NFX1: variants seen among roughly 807,000 people sequenced by gnomAD.
The protein encoded by NFX1 is transcriptional repressor NF-X1.
In NFX1, 69 loss-of-function variants were observed where a neutral mutation model predicts 137.2. The observed-to-expected ratio is 0.50, with a 90% confidence interval of 0.41 to 0.61. NFX1 has a LOEUF of 0.61. Among genes scored for constraint, NFX1 ranks in the 20% least tolerant of loss-of-function variants. NFX1 has a pLI of 0.00. For synonymous variants in NFX1, 495 were observed against 474.1 expected (o/e 1.04, Z -0.57); for missense variants, 1,167 against 1,391.0 (o/e 0.84, Z 2.56).
At position 33,311,436 on chromosome 9, in the gene NFX1, T is replaced by C. The variant is rs560756424; in HGVS notation, c.1448+259T>C. Among the ~76,000 whole-genome samples the C allele has an allele frequency of 6.6e-5, 10 of 152,330 alleles. No homozygotes were observed. The South Asian group carries it at 1.7e-3, about 25-fold the overall frequency. On this transcript the variant is annotated intron_variant, in intron 6 of 23. Transcript: ENST00000379540. The stretch of plus-strand genomic sequence containing the variant: ...GCCATGGATAGTACTTTTCTGTAAC[T>C]AGTAGTTCCCTGTGCTGCCCATGAC...
At position 33,308,343 on chromosome 9, in the gene NFX1, G is replaced by C. The variant is rs940919512; in HGVS notation, c.1376+1044G>C. Among the ~76,000 whole-genome samples the C allele has an allele frequency of 2.6e-5, 4 of 152,274 alleles. No individual in the cohort carries two copies. The East Asian group carries it at 7.7e-4, about 29-fold the overall frequency. On this transcript the variant is annotated intron_variant, in intron 5 of 23. Coordinates refer to ENST00000379540, the MANE Select transcript of NFX1 (RefSeq NM_002504.6). The stretch of plus-strand genomic sequence containing the variant: ...TGTAGTCCCAGCTACTTGGGAGGCT[G>C]AGCAAGGAGGATCATTTGAGTCCAG...
chr9:33,345,476 C>CA (rs1010467494), intron 14 of NFX1, among the ~76,000 whole-genome samples: 77 of 142,948 alleles, frequency 5.4e-4, no homozygotes, highest in Non-Finnish European at 9.8e-4. Context: ...GACTCTGTCT[C>CA]AAAAAAAAAA....
intron 5 of NFX1, among the ~76,000 whole-genome samples, chr9:33,307,755 C>CCAAGATGT (rs1400901645): frequency 1.3e-5 from 2 of 151,250 alleles, no homozygotes; most frequent in South Asian, 2.1e-4. Context: ...GACAGTATTT[C>CCAAGATGT]CAAGATGTCA....
chr9:33,348,961 C>G (rs1428517729), intron 15 of NFX1, among the ~76,000 whole-genome samples: 2 of 152,128 alleles, frequency 1.3e-5, no homozygotes, highest in African/African-American at 4.8e-5. Flanking sequence ...CTCTTGACAT[C>G]TATAACAACA....
In NFX1 at chr9:33,328,599, A is replaced by G. The variant is rs1289056269; in HGVS notation, c.1925A>G (p.Glu642Gly). Residue 642 changes from glutamate to glycine, a missense_variant, in exon 10 of 24, where the codon GAA becomes GGA. Around this residue, in one of 3 missense-constraint regions of NFX1, gnomAD observed 488 missense variants for 691.5 expected, o/e 0.71. Coordinates refer to ENST00000379540, the MANE Select transcript of NFX1 (RefSeq NM_002504.6). ...CGSLDFIHTC[E>G]KLCHEGDCGP... ...ATTAAAGATTTCATTCATACCTGTG[A>G]AAAGCTCTGCCATGAAGGAGACTGT... 4 of 1,610,850 alleles carry G rather than the reference A, an allele frequency of 2.5e-6. No homozygotes were observed. Among genetic ancestry groups the G allele is most frequent in the Non-Finnish European group, 2.5e-6 (3 of 1,177,328 alleles).
intron 22 of NFX1, among the ~76,000 whole-genome samples, chr9:33,367,190 T>C (rs1483025533): frequency 6.6e-6 from 1 of 152,150 alleles, no homozygotes; most frequent in Non-Finnish European, 1.5e-5. Context: ...CTGTGAATGG[T>C]GTTTTTGCCA....
rs188105222 is a variant in NFX1 at position 33,370,393 on chromosome 9, C to T, written c.*415C>T. 1.9e-5 allele frequency: 3 copies of T among 157,402 alleles called. No homozygotes were observed. In the Admixed American group the frequency reaches 1.9e-4, roughly 10 times the overall value. 9.8% of individuals were successfully genotyped at this position (157,402 alleles called of 1,614,324 possible). A position where few individuals can be genotyped will look rare whatever the true frequency, so the allele number is the denominator to read the frequency against. ...TGCCTGAAACATCAGACAGACATTG[C>T]TTGCTTTACCCAAACTGATCAAAAT... On this transcript the variant is annotated 3_prime_UTR_variant, in exon 24 of 24. Coordinates refer to ENST00000379540, the MANE Select transcript of NFX1 (RefSeq NM_002504.6).
At chr9:33,339,584 C>G (rs948967260) in intron 12 of NFX1, among the ~76,000 whole-genome samples, 2 of 152,214 alleles carry the variant, frequency 1.3e-5, no homozygotes, top group South Asian at 2.1e-4. Context: ...CCAATCATGC[C>G]TTTCCAACTG....
At chr9:33,329,350 G>C (rs1822714880) in intron 10 of NFX1, among the ~76,000 whole-genome samples, 2 of 152,172 alleles carry the variant, frequency 1.3e-5, no homozygotes, top group Admixed American at 6.5e-5. Flanking sequence ...GCTAATCTCA[G>C]TCTCCAGTCT....
intron 11 of NFX1, 172 bp downstream of exon 11, chr9:33,332,674 G>C (rs1211499588): frequency 3.8e-6 from 2 of 526,824 alleles, no homozygotes; most frequent in Admixed American, 6.5e-5. Flanking sequence ...TCTAATTGAT[G>C]AAATGCTGAA....
intron 2 of NFX1, among the ~76,000 whole-genome samples, chr9:33,298,858 T>C (rs1821453067): frequency 6.6e-6 from 1 of 152,172 alleles, no homozygotes. Context: ...TAGGAGGCTA[T>C]TGCAGTTGTT....
intron 12 of NFX1, 51 bp downstream of exon 12, chr9:33,338,640 C>T (rs1823103701): frequency 6.7e-7 from 1 of 1,482,076 alleles, no homozygotes; most frequent in African/African-American, 1.4e-5. Context: ...AGGTGCTGGG[C>T]TTCTGGAAGC....
At chr9:33,318,361 C>T (rs1470920167) in intron 7 of NFX1, among the ~76,000 whole-genome samples, 1 of 152,176 alleles carries the variant, frequency 6.6e-6, no homozygotes, top group Non-Finnish European at 1.5e-5. Flanking sequence ...CCAGAGGACC[C>T]GCAGGAGCCT....
intron 9 of NFX1, among the ~76,000 whole-genome samples, chr9:33,323,103 G>A (rs1007605932): frequency 6.6e-6 from 1 of 152,152 alleles, no homozygotes; most frequent in African/African-American, 2.4e-5. Context: ...CAGAGAGATC[G>A]GGAATCAAGA....
In NFX1 at chr9:33,319,047, G is replaced by A. The variant is rs34444364; in HGVS notation, c.1826G>A (p.Ser609Asn). 91 of 1,614,110 alleles carry A rather than the reference G, an allele frequency of 5.6e-5. No individual in the cohort carries two copies. The African/African-American group carries it at 9.6e-4, about 17-fold the overall frequency. ...TPLSQLLELGSSSRKTCMDPV... is the reference protein window; with the variant it reads ...TPLSQLLELGNSSRKTCMDPV... Reference sequence around the variant, plus strand: ...CTCAGCCAATTGCTAGAACTTGGAAGTAGTAGTCGGAAAACATGCATGGAC... The same window carrying A: ...CTCAGCCAATTGCTAGAACTTGGAAATAGTAGTCGGAAAACATGCATGGAC... Residue 609 changes from serine to asparagine, a missense_variant, in exon 9 of 24, where the codon AGT (serine) becomes AAT (asparagine). This residue lies in a region of NFX1 where 488 missense variants were observed against 691.5 expected (regional missense o/e 0.71). Transcript: ENST00000379540.
intron 22 of NFX1, 62 bp downstream of exon 22, chr9:33,366,836 A>G: frequency 1.3e-6 from 2 of 1,563,170 alleles, no homozygotes; most frequent in Non-Finnish European, 1.7e-6. Flanking sequence ...CCCAAGAAGC[A>G]GGGTCTGTCA....
At chr9:33,330,958 C>G (rs1418800811) in intron 10 of NFX1, among the ~76,000 whole-genome samples, 2 of 151,966 alleles carry the variant, frequency 1.3e-5, no homozygotes, top group Non-Finnish European at 2.9e-5. Flanking sequence ...GTGGGCGGAT[C>G]ATGAGGTCAG....
In NFX1 at chr9:33,365,028, C is replaced by T. The variant is rs1035517340; in HGVS notation, c.3039+254C>T. On this transcript the variant is annotated intron_variant, in intron 21 of 23. Transcript: ENST00000379540. ...GTGTCTCATGCCTGTAATGCCAGCACTTTGGGAGGCCAAGGCAGGCAGATC... is the reference window on the plus strand; with the variant it reads ...GTGTCTCATGCCTGTAATGCCAGCATTTTGGGAGGCCAAGGCAGGCAGATC... 2.7e-5 allele frequency: 34 copies of T among 1,249,384 alleles called. No individual in the cohort carries two copies. The African/African-American group carries it at 4.9e-4, about 18-fold the overall frequency. The allele number at this position is 1,249,384 out of a possible 1,614,324, so 77.4% of individuals were successfully genotyped here. A position where few individuals can be genotyped will look rare whatever the true frequency, so the allele number is the denominator to read the frequency against.
At chr9:33,299,240 T>A (rs796109164) in intron 2 of NFX1, among the ~76,000 whole-genome samples, 5 of 152,336 alleles carry the variant, frequency 3.3e-5, no homozygotes, top group African/African-American at 1.2e-4. Flanking sequence ...CACCAGTTTT[T>A]CTGCCAATGT....
Sources: allele counts gnomAD v4.1 joint callset (sites outside exome capture counted in the v4.1 genomes callset), GRCh38; gene constraint gnomAD v4.1.1; regional missense constraint gnomAD v4.1.1; transcripts MANE v1.5; gene names NCBI Gene and HGNC (gene_info 2026-07-23, HGNC 2026-07-21).